The following ENOX1 variants were observed in gnomAD, a reference collection of about 807,000 sequenced individuals.
ENOX1 encodes the protein ecto-NOX disulfide-thiol exchanger 1, also known as candidate growth-related and time keeping constitutive hydroquinone (NADH) oxidase.
A neutral mutation model predicts 82.5 loss-of-function variants in ENOX1; 42 were observed. That is an observed-to-expected ratio of 0.51 (90% CI 0.40 to 0.66). The LOEUF is 0.66. Among genes scored for constraint, ENOX1 ranks in the 30% least tolerant of loss-of-function variants. The pLI is 0.00. For missense variants in ENOX1, 608 were observed against 811.6 expected, an observed-to-expected ratio of 0.75 and a Z score of 3.05; for synonymous variants, 271 against 282.2, an observed-to-expected ratio of 0.96 and a Z score of 0.40.
At position 43,418,020 on chromosome 13, in the gene ENOX1, C is replaced by T. The variant is rs186736846; in HGVS notation, c.-74-5032G>A. Among the ~76,000 whole-genome samples, 46 of 151,948 alleles carry T rather than the reference C, an allele frequency of 3.0e-4. No homozygotes were observed. The East Asian group carries it at 6.4e-3, about 21-fold the overall frequency. On this transcript the variant is annotated intron_variant, in intron 3 of 16. Coordinates refer to ENST00000690772, the MANE Select transcript of ENOX1 (RefSeq NM_001347969.2). The stretch of plus-strand genomic sequence containing the variant: ...GGTCAGGAATTTGAGACCAGCCTGA[C>T]CAAAATGGTGAAACCCTGTCTCTAC...
intron 14 of ENOX1, among the ~76,000 whole-genome samples, chr13:43,254,149 G>A (rs531465892): frequency 6.6e-5 from 10 of 152,220 alleles, no homozygotes; most frequent in Admixed American, 2.6e-4. Context: ...TTCTCGAGAG[G>A]ATGGACAAGT....
At chr13:43,767,747 C>T (rs73463526) in intron 1 of ENOX1, among the ~76,000 whole-genome samples, 4,228 of 152,316 alleles carry the variant, frequency 0.028, 209 homozygotes, top group African/African-American at 0.098. Flanking sequence ...GCCCTCTACT[C>T]TCCCCCATGG....
intron 1 of ENOX1, among the ~76,000 whole-genome samples, chr13:43,769,747 C>G (rs966461566): frequency 6.6e-6 from 1 of 152,186 alleles, no homozygotes; most frequent in Admixed American, 6.5e-5. Flanking sequence ...ACTTAAAAAC[C>G]ACAGGAGCTT....
chr13:43,348,326 G>A (rs913464082), intron 8 of ENOX1, among the ~76,000 whole-genome samples: 1 of 152,112 alleles, frequency 6.6e-6, no homozygotes, highest in African/African-American at 2.4e-5. Flanking sequence ...GTTTTGAGGG[G>A]CTAATATGAG....
intron 2 of ENOX1, among the ~76,000 whole-genome samples, chr13:43,609,009 TC>T (rs1345354430): frequency 6.6e-6 from 1 of 152,200 alleles, no homozygotes; most frequent in Admixed American, 6.5e-5. Context: ...TTCAGAACTC[TC>T]CGTTCTCAAA....
intron 5 of ENOX1, among the ~76,000 whole-genome samples, chr13:43,411,466 C>T (rs535152976): frequency 5.3e-5 from 8 of 152,232 alleles, no homozygotes; most frequent in Admixed American, 3.9e-4. Context: ...TATAGCTCTG[C>T]CATTTCAATG....
intron 11 of ENOX1, among the ~76,000 whole-genome samples, chr13:43,322,176 C>T (rs569653229): frequency 6.6e-5 from 10 of 152,324 alleles, no homozygotes; most frequent in Admixed American, 6.5e-4. Flanking sequence ...CCCAGATCTA[C>T]GTACGGAGAA....
chr13:43,444,759 T>C (rs2056534100), intron 3 of ENOX1, among the ~76,000 whole-genome samples: 1 of 152,218 alleles, frequency 6.6e-6, no homozygotes, highest in South Asian at 2.1e-4. Context: ...GAGTTCTACA[T>C]ACAGAGTCAA....
At chr13:43,638,404 GTT>G (rs58106719) in intron 2 of ENOX1, among the ~76,000 whole-genome samples, 6 of 149,724 alleles carry the variant, frequency 4.0e-5, no homozygotes, top group East Asian at 3.9e-4. Flanking sequence ...AGTGTCTAGG[GTT>G]TTTTTTTTTC....
At chr13:43,506,863 C>T (rs900858403) in intron 2 of ENOX1, among the ~76,000 whole-genome samples, 1 of 151,288 alleles carries the variant, frequency 6.6e-6, no homozygotes, top group African/African-American at 2.4e-5. Context: ...GGAGGGATAG[C>T]ATTAGGTGAT....
At chr13:43,690,931 T>C (rs1268871141) in intron 1 of ENOX1, among the ~76,000 whole-genome samples, 1 of 152,214 alleles carries the variant, frequency 6.6e-6, no homozygotes, top group Non-Finnish European at 1.5e-5. Context: ...GCCAACACCA[T>C]GTGTACATAG....
chr13:43,320,859 G>A (rs1311136884), intron 11 of ENOX1, among the ~76,000 whole-genome samples: 1 of 152,196 alleles, frequency 6.6e-6, no homozygotes, highest in Non-Finnish European at 1.5e-5. Flanking sequence ...TTGAACTTAA[G>A]AAATTCACAC....
intron 1 of ENOX1, among the ~76,000 whole-genome samples, chr13:43,781,553 G>A (rs1952259044): frequency 6.6e-6 from 1 of 151,108 alleles, no homozygotes; most frequent in Admixed American, 6.6e-5. Flanking sequence ...CGCCCTTGTT[G>A]CCCAGGCTGG....
chr13:43,430,092 A>T (rs989995851), intron 3 of ENOX1, among the ~76,000 whole-genome samples: 1 of 152,216 alleles, frequency 6.6e-6, no homozygotes, highest in African/African-American at 2.4e-5. Context: ...AAATGATTTA[A>T]CTGTGTAGCA....
chr13:43,637,744 C>T (rs1191789920), intron 2 of ENOX1, among the ~76,000 whole-genome samples: 2 of 152,110 alleles, frequency 1.3e-5, no homozygotes, highest in African/African-American at 4.8e-5. Flanking sequence ...GCCTCCCCCA[C>T]TATTAAAAAC....
At chr13:43,388,563 T>A (rs1475936153) in intron 5 of ENOX1, among the ~76,000 whole-genome samples, 3 of 152,222 alleles carry the variant, frequency 2.0e-5, no homozygotes, top group Admixed American at 1.3e-4. Context: ...AAAGGCATGA[T>A]GTTAACACCA....
intron 1 of ENOX1, among the ~76,000 whole-genome samples, chr13:43,721,194 A>G (rs1044493737): frequency 7.2e-5 from 11 of 152,124 alleles, no homozygotes; most frequent in Non-Finnish European, 1.6e-4. Flanking sequence ...TCCACATACA[A>G]ATTTAGTACC....
chr13:43,260,328 A>G (rs2043984689), intron 14 of ENOX1, among the ~76,000 whole-genome samples: 1 of 152,218 alleles, frequency 6.6e-6, no homozygotes, highest in Non-Finnish European at 1.5e-5. Flanking sequence ...TCTGTTTGAC[A>G]GTGGCAACCT....
chr13:43,504,172 AACAAATGTTGGTGAG>A (rs2077072868), intron 2 of ENOX1, among the ~76,000 whole-genome samples: 1 of 151,420 alleles, frequency 6.6e-6, no homozygotes, highest in Non-Finnish European at 1.5e-5. Context: ...ATAAAAAGAT[AACAAATGTTGGTGAG>A]GACACAGAGA....
Sources: gnomAD v4.1 joint callset for allele counts (sites outside exome capture counted in the v4.1 genomes callset) on GRCh38, gnomAD v4.1.1 for gene constraint, MANE v1.5 for transcripts, NCBI Gene and HGNC (gene_info 2026-07-23, HGNC 2026-07-21) for gene names.